DZANK1: variants seen among roughly 807,000 people sequenced by gnomAD.
DZANK1 encodes double zinc ribbon and ankyrin repeat-containing protein 1.
A neutral mutation model predicts 94.5 loss-of-function variants in DZANK1; 91 were observed. The observed-to-expected ratio is 0.96, with a 90% CI of 0.81 to 1.15. The LOEUF is 1.15. Among genes scored for constraint, DZANK1 ranks in the 50% most tolerant of loss-of-function variants. The pLI, the probability that DZANK1 is intolerant of heterozygous loss-of-function variation, is 0.00. For synonymous variants in DZANK1, 312 were observed against 325.3 expected, an observed-to-expected ratio of 0.96 and a Z score of 0.44; for missense variants, 903 against 916.4, an observed-to-expected ratio of 0.99 and a Z score of 0.19.
chr20:18,427,873 G>A (rs573452234), intron 9 of DZANK1, among the ~76,000 whole-genome samples: 1 of 152,224 alleles, frequency 6.6e-6, no homozygotes, highest in South Asian at 2.1e-4. Context: ...AGTAGTGGCT[G>A]GGTGCAGTGG....
chr20:18,455,029 C>T (rs2059234722), intron 4 of DZANK1, among the ~76,000 whole-genome samples: 1 of 152,116 alleles, frequency 6.6e-6, no homozygotes, highest in African/African-American at 2.4e-5. Flanking sequence ...GAGCATGGAC[C>T]CCAATGCTCA....
intron 1 of DZANK1, among the ~76,000 whole-genome samples, chr20:18,465,780 G>C (rs955669467): frequency 6.6e-6 from 1 of 152,162 alleles, no homozygotes; most frequent in Non-Finnish European, 1.5e-5. Context: ...ATCATACAAG[G>C]GGAACAGAAG....
At chr20:18,419,455 C>A (rs912863225) in intron 10 of DZANK1, among the ~76,000 whole-genome samples, 3 of 152,032 alleles carry the variant, frequency 2.0e-5, no homozygotes, top group Non-Finnish European at 2.9e-5. Flanking sequence ...TAAATGAACA[C>A]CAACCAGAAT....
chr20:18,383,372 C>T (rs915402768), exon 21 of DZANK1: 2 of 152,180 alleles, frequency 1.3e-5, no homozygotes, highest in Non-Finnish European at 2.9e-5. Context: ...CAAAATTACA[C>T]ATTCTTATAA....
Position 18,443,482 on chromosome 20 carries a change from C to T in DZANK1, c.630-18G>A, listed in dbSNP as rs7267424. 524 of 1,370,914 alleles carry T rather than the reference C, an allele frequency of 3.8e-4. 3 individuals carry two copies. In the African/African-American group the frequency reaches 7.2e-3, roughly 19 times the overall value. The allele number at this position is 1,370,914 out of a possible 1,614,324, so 84.9% of individuals were successfully genotyped here. A position where few individuals can be genotyped will look rare whatever the true frequency, so the allele number is the denominator to read the frequency against. Reference sequence around the variant, plus strand: ...GGGCACACCTACAACAAAACAGGTTCCCGATTGGCCATGTTCTGGTGGGCC... The same window carrying T: ...GGGCACACCTACAACAAAACAGGTTTCCGATTGGCCATGTTCTGGTGGGCC... On this transcript the variant is annotated intron_variant, in intron 7 of 20. Transcript: ENST00000262547.
At chr20:18,418,003 T>C (rs958511078) in intron 10 of DZANK1, among the ~76,000 whole-genome samples, 4 of 152,020 alleles carry the variant, frequency 2.6e-5, no homozygotes, top group African/African-American at 9.7e-5. Context: ...GGAGAATCAC[T>C]TGAACCCAGG....
At chr20:18,451,780 G>A (rs879639799) in intron 6 of DZANK1, 9 of 460,666 alleles carry the variant, frequency 2.0e-5, no homozygotes, top group Non-Finnish European at 3.8e-5. Context: ...CTCATCCGTC[G>A]GATCCCTCAG....
exon 21 of DZANK1, chr20:18,383,411 CAAAG>C (rs1336645718): frequency 6.6e-6 from 1 of 151,984 alleles, no homozygotes; most frequent in Non-Finnish European, 1.5e-5. Flanking sequence ...ATTTGTCAAT[CAAAG>C]AACACACCAT....
chr20:18,394,811 C>G (rs919267544), intron 15 of DZANK1: 4 of 456,994 alleles, frequency 8.8e-6, no homozygotes, highest in African/African-American at 8.0e-5. Flanking sequence ...ACTTAGTGCC[C>G]TTGGAAGAAG....
chr20:18,398,229 G>C lies in DZANK1; in HGVS notation c.1536+294C>G, dbSNP rs2056462080. Reference sequence around the variant, plus strand: ...GTGCACGATCTGGATGGATTAAATTGTTCTGGGACCTTTCATTCTGACTGT... The same window carrying C: ...GTGCACGATCTGGATGGATTAAATTCTTCTGGGACCTTTCATTCTGACTGT... On this transcript the variant is annotated intron_variant, in intron 14 of 20. Coordinates refer to ENST00000262547, the Ensembl canonical transcript of DZANK1. 7 of 394,916 alleles carry C rather than the reference G, an allele frequency of 1.8e-5. No homozygotes were observed. The South Asian group carries it at 2.2e-4, about 13-fold the overall frequency. 24.5% of individuals were successfully genotyped at this position (394,916 alleles called of 1,614,324 possible).
chr20:18,448,911 A>T, intron 7 of DZANK1, 73 bp downstream of exon 7: 2 of 1,213,534 alleles, frequency 1.6e-6, no homozygotes, highest in Admixed American at 2.3e-5. Flanking sequence ...AAAATGTCGT[A>T]TCTTTAAATT....
chr20:18,403,803 T>C (rs1310280260), intron 13 of DZANK1, among the ~76,000 whole-genome samples: 1 of 147,458 alleles, frequency 6.8e-6, no homozygotes, highest in Non-Finnish European at 1.5e-5. Context: ...TTTCTTTTTT[T>C]TTTTTTTTTT....
intron 13 of DZANK1, among the ~76,000 whole-genome samples, chr20:18,404,442 A>G (rs1378082165): frequency 6.6e-6 from 1 of 152,212 alleles, no homozygotes; most frequent in Non-Finnish European, 1.5e-5. Flanking sequence ...ATGGAGTCAC[A>G]TCAGAAGCTT....
chr20:18,412,892 T>C (rs1301878368), intron 12 of DZANK1, 39 bp from the exon 13 acceptor site: 6 of 1,530,424 alleles, frequency 3.9e-6, no homozygotes, highest in Admixed American at 1.8e-5. Flanking sequence ...AATTAGAATA[T>C]AATTTAATCA....
chr20:18,389,556 C>T (rs147233912), intron 19 of DZANK1, 145 bp downstream of exon 19: 16 of 1,209,210 alleles, frequency 1.3e-5, no homozygotes, highest in Non-Finnish European at 1.8e-5. Context: ...AGGCGTTAAG[C>T]CTCTTATTAA....
At position 18,442,761 on chromosome 20, in the gene DZANK1, CA is replaced by C. The variant is rs559098162; in HGVS notation, c.747+585del. On this transcript the variant is annotated intron_variant, in intron 8 of 20. Transcript: ENST00000262547. ...CATTTTCATCCCTTTATTCCAAGTC[CA>C]AAAAAAATCCCCAAAATATCAAGTG... is the stretch of plus-strand genomic sequence containing the variant. Among the ~76,000 whole-genome samples the C allele has an allele frequency of 2.3e-3, 346 of 151,612 alleles. 1 individual carries two copies. The highest frequency in any genetic ancestry group is 7.8e-3 in the African/African-American group (323 of 41,336).
intron 16 of DZANK1, among the ~76,000 whole-genome samples, 197 bp from the exon 17 acceptor site, chr20:18,394,008 G>A (rs978955626): frequency 7.9e-5 from 12 of 152,170 alleles, no homozygotes; most frequent in Non-Finnish European, 1.2e-4. Context: ...GTGGGAAGGA[G>A]AGGAAAAGAG....
intron 17 of DZANK1, among the ~76,000 whole-genome samples, chr20:18,390,812 T>C (rs2055919056): frequency 6.6e-6 from 1 of 152,178 alleles, no homozygotes; most frequent in South Asian, 2.1e-4. Context: ...TTTTGCATAC[T>C]TTATAAAGTG....
At chr20:18,429,829 C>T (rs1057211991) in intron 9 of DZANK1, among the ~76,000 whole-genome samples, 10 of 152,296 alleles carry the variant, frequency 6.6e-5, no homozygotes, top group Non-Finnish European at 1.0e-4. Context: ...GCAGTGACCA[C>T]GACCCACAGT....
Sources: allele counts gnomAD v4.1 joint callset (sites outside exome capture counted in the v4.1 genomes callset), GRCh38; gene constraint gnomAD v4.1.1; transcripts MANE v1.5; gene names NCBI Gene and HGNC (gene_info 2026-07-23, HGNC 2026-07-21).